Variants in KCTD5 observed in about 807,000 individuals in gnomAD.
KCTD5 encodes the protein BTB/POZ domain-containing protein KCTD5.
In KCTD5, 12 loss-of-function variants were observed where a neutral mutation model predicts 27.9. The observed-to-expected ratio is 0.43, with a 90% CI of 0.28 to 0.70. The LOEUF (loss-of-function observed/expected upper bound fraction) is 0.70. Among genes scored for constraint, KCTD5 ranks in the 30% least tolerant of loss-of-function variants. KCTD5 has a pLI of 0.19. For synonymous variants in KCTD5, 147 were observed against 121.4 expected, an observed-to-expected ratio of 1.21 and a Z score of -1.39; for missense variants, 226 against 274.8, an observed-to-expected ratio of 0.82 and a Z score of 1.26.
At chr16:2,688,176 T>A (rs950330773) in intron 1 of KCTD5, among the ~76,000 whole-genome samples, 1 of 150,984 alleles carries the variant, frequency 6.6e-6, no homozygotes, top group African/African-American at 2.4e-5. Context: ...TGCCTGGCGG[T>A]CTTCATTTCA....
chr16:2,682,525 G>A lies in KCTD5; in HGVS notation c.-24G>A. 2 of 1,385,902 alleles carry A rather than the reference G, an allele frequency of 1.4e-6. No individual in the cohort carries two copies. Among genetic ancestry groups the A allele is most frequent in the Non-Finnish European group, 1.9e-6 (2 of 1,070,576 alleles). 85.9% of individuals were successfully genotyped at this position (1,385,902 alleles called of 1,614,324 possible). On this transcript the variant is annotated 5_prime_UTR_variant, in exon 1 of 6. Transcript: ENST00000301738. ...AGCCGGACGCTTCCGGTGGAAGGGA[G>A]CTGTTGCGGGGCTTGCTGGGATCAT...
At chr16:2,698,257 A>C (rs1457367196) in intron 3 of KCTD5, among the ~76,000 whole-genome samples, 1 of 152,222 alleles carries the variant, frequency 6.6e-6, no homozygotes, top group Non-Finnish European at 1.5e-5. Context: ...GAAGTTGGGC[A>C]CGGGAGACGT....
At chr16:2,700,803 GCC>G (rs3030702) in intron 4 of KCTD5, among the ~76,000 whole-genome samples, 27 of 146,506 alleles carry the variant, frequency 1.8e-4, no homozygotes, top group African/African-American at 4.3e-4. Context: ...GGTACTTGGA[GCC>G]CCCCCCCCCT....
intron 5 of KCTD5, among the ~76,000 whole-genome samples, chr16:2,705,617 G>A (rs914157419): frequency 5.9e-5 from 9 of 152,144 alleles, no homozygotes; most frequent in African/African-American, 1.4e-4. Context: ...TCCCTGATGC[G>A]CTTAAGCCTC....
chr16:2,687,543 A>G (rs2067545166), intron 1 of KCTD5, among the ~76,000 whole-genome samples: 1 of 152,240 alleles, frequency 6.6e-6, no homozygotes, highest in Non-Finnish European at 1.5e-5. Context: ...ACAGGAATGC[A>G]GAGATGCCCA....
At chr16:2,703,412 C>T (rs919942046) in intron 5 of KCTD5, among the ~76,000 whole-genome samples, 1 of 152,146 alleles carries the variant, frequency 6.6e-6, no homozygotes, top group Non-Finnish European at 1.5e-5. Flanking sequence ...AGGCTCGGGG[C>T]ATTGGCAAAG....
chr16:2,707,243 G>T (rs1440627312), intron 5 of KCTD5, 55 bp from the exon 6 acceptor site: 1 of 1,580,630 alleles, frequency 6.3e-7, no homozygotes. Context: ...CAGGCGCCTG[G>T]TCAGGGACAC....
intron 4 of KCTD5, 78 bp downstream of exon 4, chr16:2,699,994 C>G: frequency 7.5e-7 from 1 of 1,329,690 alleles, no homozygotes; most frequent in South Asian, 1.2e-5. Context: ...GCTCAGTGCT[C>G]CTGGAAATGC....
intron 1 of KCTD5, among the ~76,000 whole-genome samples, chr16:2,690,729 G>T (rs2067562720): frequency 2.0e-5 from 3 of 152,216 alleles, no homozygotes; most frequent in Admixed American, 2.0e-4. Context: ...CGTGTCATGG[G>T]GGCTTGGGCA....
chr16:2,684,942 A>C (rs1343954487), intron 1 of KCTD5, among the ~76,000 whole-genome samples: 5 of 152,172 alleles, frequency 3.3e-5, no homozygotes, highest in African/African-American at 1.2e-4. Flanking sequence ...TGTCTCAAAC[A>C]AACAAAAAAA....
intron 2 of KCTD5, 41 bp from the exon 3 acceptor site, chr16:2,697,865 A>G (rs761844617): frequency 1.4e-6 from 2 of 1,413,286 alleles, no homozygotes; most frequent in East Asian, 4.6e-5. Context: ...TCTTTGGTTT[A>G]GTTTGGTCTG....
chr16:2,704,689 G>A (rs1194692247), intron 5 of KCTD5, among the ~76,000 whole-genome samples: 4 of 152,176 alleles, frequency 2.6e-5, no homozygotes, highest in East Asian at 1.9e-4. Flanking sequence ...GCTCCATTGC[G>A]TAGCCATGCT....
At position 2,702,606 on chromosome 16, in the gene KCTD5, T is replaced by A. The variant is rs1012195282; in HGVS notation, c.675+128T>A. ...GTCCGCCCCTGGTGGCCTTGCTGAC[T>A]TCTTGGACACACGGTCTCCCGTGGG... On this transcript the variant is annotated intron_variant, in intron 5 of 5. Coordinates refer to ENST00000301738, the MANE Select transcript of KCTD5 (RefSeq NM_018992.4). The A allele has an allele frequency of 5.5e-6, 7 of 1,269,280 alleles. No individual in the cohort carries two copies. In the Admixed American group the frequency reaches 7.5e-5, roughly 14 times the overall value. 78.6% of individuals were successfully genotyped at this position (1,269,280 alleles called of 1,614,324 possible). A position where few individuals can be genotyped will look rare whatever the true frequency, so the allele number is the denominator to read the frequency against.
In KCTD5 at chr16:2,692,629, G is replaced by A. The variant is rs187908959; in HGVS notation, c.253-3306G>A. 3.3e-3 allele frequency among the ~76,000 whole-genome samples: 498 copies of A among 152,336 alleles called. 9 individuals are homozygous for A. The highest frequency in any genetic ancestry group is 1.9e-3 in the East Asian group (10 of 5,184). ...TGGTTCATGGGCAGGCCCGGAAAAC[G>A]CACCACAAGTCCCCACTTTGGTCCC... On this transcript the variant is annotated intron_variant, in intron 1 of 5. Transcript: ENST00000301738.
At chr16:2,698,906 C>T (rs1376502614) in intron 3 of KCTD5, among the ~76,000 whole-genome samples, 1 of 152,228 alleles carries the variant, frequency 6.6e-6, no homozygotes, top group Non-Finnish European at 1.5e-5. Context: ...GCTGTGTGGG[C>T]ACTCCCTGCC....
At chr16:2,683,033 G>C (rs2067525477) in intron 1 of KCTD5, 2 of 504,666 alleles carry the variant, frequency 4.0e-6, no homozygotes, top group Admixed American at 4.3e-5. Context: ...ATCCTGAGTC[G>C]ATTCACCTTG....
chr16:2,706,847 G>T (rs964477099), intron 5 of KCTD5, among the ~76,000 whole-genome samples: 1 of 151,430 alleles, frequency 6.6e-6, no homozygotes, highest in Non-Finnish European at 1.5e-5. Flanking sequence ...GAGGTGCAGG[G>T]CCGAGGGCTT....
At chr16:2,706,103 G>A (rs958122311) in intron 5 of KCTD5, among the ~76,000 whole-genome samples, 5 of 152,218 alleles carry the variant, frequency 3.3e-5, no homozygotes, top group African/African-American at 4.8e-5. Flanking sequence ...GGGCTCCTCC[G>A]AGGCACTGGA....
chr16:2,692,728 C>T (rs1040937486), intron 1 of KCTD5, among the ~76,000 whole-genome samples: 3 of 152,238 alleles, frequency 2.0e-5, no homozygotes, highest in East Asian at 3.9e-4. Flanking sequence ...GGACCTACCC[C>T]CTTCTTCCCA....
Sources: allele counts gnomAD v4.1 joint callset (sites outside exome capture counted in the v4.1 genomes callset), GRCh38; gene constraint gnomAD v4.1.1; transcripts MANE v1.5; gene names NCBI Gene and HGNC (gene_info 2026-07-23, HGNC 2026-07-21).